The following COL11A1 variants were observed in gnomAD, a reference collection of about 807,000 sequenced individuals.
The protein encoded by COL11A1 is collagen type XI alpha 1 chain, also known as collagen alpha-1(XI) chain.
Under a neutral mutation model 265.2 loss-of-function variants are expected in COL11A1, and 74 were observed. The observed-to-expected ratio is 0.28, with a 90% CI of 0.23 to 0.34. The LOEUF is 0.34. COL11A1 is among the 10% of genes least tolerant of loss of function. The pLI, the probability that COL11A1 is intolerant of heterozygous loss-of-function variation, is 1.00. For synonymous variants in COL11A1, 816 were observed against 727.6 expected, an observed-to-expected ratio of 1.12 and a Z score of -1.96; for missense variants, 2,165 against 2,263.6, an observed-to-expected ratio of 0.96 and a Z score of 0.88.
chr1:102,998,797 T>C (rs1664863202), intron 24 of COL11A1, among the ~76,000 whole-genome samples: 1 of 151,896 alleles, frequency 6.6e-6, no homozygotes, highest in Admixed American at 6.6e-5. Context: ...AACACCATTA[T>C]TAAAATATTT....
Position 103,026,752 on chromosome 1 carries a change from A to G in COL11A1, c.781-420T>C, listed in dbSNP as rs1348583621. Among the ~76,000 whole-genome samples, 6 of 152,128 alleles carry G rather than the reference A, an allele frequency of 3.9e-5. No individual in the cohort carries two copies. The East Asian group carries it at 1.2e-3, about 29-fold the overall frequency. On this transcript the variant is annotated intron_variant, in intron 5 of 66. Transcript: ENST00000370096. ...ATGGGAATTTTAAATTAAGCTACAT[A>G]TCTAAAAATAAAAATGTAGAGAGTA...
chr1:103,042,655 T>C (rs111784111), intron 4 of COL11A1, among the ~76,000 whole-genome samples: 2 of 152,184 alleles, frequency 1.3e-5, no homozygotes, highest in Non-Finnish European at 2.9e-5. Context: ...TCTGGGACCC[T>C]TATCACTATT....
Position 102,878,271 on chromosome 1 carries a change from G to A in COL11A1, c.5275-106C>T, listed in dbSNP as rs549661406. 3 of 1,049,458 alleles carry A rather than the reference G, an allele frequency of 2.9e-6. No homozygotes were observed. The East Asian group carries it at 7.9e-5, about 28-fold the overall frequency. 65.0% of individuals were successfully genotyped at this position (1,049,458 alleles called of 1,614,324 possible). A position where few individuals can be genotyped will look rare whatever the true frequency, so the allele number is the denominator to read the frequency against. ...GTGGAGGTAAGAAGCTGAGAGAGAA[G>A]AGAATAGAAAAACAAATTTTCTATT... On this transcript the variant is annotated intron_variant, in intron 66 of 66. Transcript: ENST00000370096.
rs1312120403 is a variant in COL11A1 at position 103,022,645 on chromosome 1, C to G, written c.1245+97G>C. On this transcript the variant is annotated intron_variant, in intron 8 of 66. Transcript: ENST00000370096. The stretch of plus-strand genomic sequence containing the variant: ...TTCATAATTTACATAAAAATTCAAC[C>G]TGCATTTTAAACCTGAAAAGACATT... 4.8e-6 allele frequency: 7 copies of G among 1,470,860 alleles called. No homozygotes were observed. The African/African-American group carries it at 9.8e-5, about 21-fold the overall frequency. 91.1% of individuals were successfully genotyped at this position (1,470,860 alleles called of 1,614,324 possible).
At chr1:102,905,060 C>T (rs1381153112) in intron 54 of COL11A1, among the ~76,000 whole-genome samples, 1 of 151,670 alleles carries the variant, frequency 6.6e-6, no homozygotes, top group Non-Finnish European at 1.5e-5. Context: ...ATGATGAGTT[C>T]ATGTCCTTTG....
chr1:103,036,268 C>G (rs892175686), intron 4 of COL11A1, among the ~76,000 whole-genome samples: 1 of 146,832 alleles, frequency 6.8e-6, no homozygotes, highest in Non-Finnish European at 1.5e-5. Flanking sequence ...TAATTATATA[C>G]AAATTATAAT....
intron 4 of COL11A1, among the ~76,000 whole-genome samples, chr1:103,036,149 T>C (rs560380554): frequency 7.7e-4 from 117 of 151,580 alleles, no homozygotes; most frequent in South Asian, 2.3e-3. Context: ...AGCTTTGCCA[T>C]TAACTACTTG....
chr1:102,933,784 A>G (rs183077029), intron 46 of COL11A1, among the ~76,000 whole-genome samples: 3 of 152,134 alleles, frequency 2.0e-5, no homozygotes, highest in Admixed American at 1.3e-4. Context: ...GCCGGATATA[A>G]TCTCGTGGTG....
At chr1:103,085,019 T>C (rs1672741591) in intron 1 of COL11A1, among the ~76,000 whole-genome samples, 2 of 152,214 alleles carry the variant, frequency 1.3e-5, no homozygotes, top group Admixed American at 1.3e-4. Context: ...CAATTTTTGG[T>C]GAATCAGTGA....
chr1:102,883,273 C>T lies in COL11A1; in HGVS notation c.4897G>A (p.Asp1633Asn), dbSNP rs1303443553. 2.5e-6 allele frequency: 4 copies of T among 1,613,434 alleles called. No homozygotes were observed. Among genetic ancestry groups the T allele is most frequent in the Admixed American group, 1.7e-5 (1 of 59,958 alleles). Residue 1633 changes from aspartate (D) to asparagine (N), a missense_variant, in exon 64 of 67, where the codon GAT becomes AAT. Asp to Asn is a conservative substitution (Grantham distance 23, BLOSUM62 1). Coordinates refer to ENST00000370096, the MANE Select transcript of COL11A1 (RefSeq NM_001854.4). The part of the protein sequence containing the change: ...WIDPNQGCSG[D>N]SFKVYCNFTS... Reference sequence around the variant, plus strand: ...AAATTACAGTAAACTTTGAAGGAATCTCCTGAGCAACCTTGGTTAGGATCA... The same window carrying T: ...AAATTACAGTAAACTTTGAAGGAATTTCCTGAGCAACCTTGGTTAGGATCA...
intron 62 of COL11A1, 56 bp downstream of exon 62, chr1:102,888,520 AT>A (rs1651303869): frequency 1.3e-6 from 2 of 1,502,202 alleles, no homozygotes; most frequent in African/African-American, 2.8e-5. Context: ...CAGAGAAATC[AT>A]TGGCAGCTTC....
In COL11A1 at chr1:102,898,756, T is replaced by C; in HGVS notation, c.4158A>G (p.Glu1386=). The change falls in exon 56 of 67, where the codon GAA becomes GAG. Residue 1386 remains glutamate, a synonymous_variant. Transcript: ENST00000370096. ...CTGGGCCGGTTTTTCCAGGAGGACC[T>C]TCTGCACCTGCTTCCCCCTGTTAGA... ...EKGAKGEAGA[E]GPPGKTGPVG... The C allele has an allele frequency of 6.2e-7, 1 of 1,613,152 alleles. No individual in the cohort carries two copies. The highest frequency in any genetic ancestry group is 8.5e-7 in the Non-Finnish European group (1 of 1,179,474).
chr1:102,973,481 T>C (rs1482841127), intron 36 of COL11A1, among the ~76,000 whole-genome samples: 2 of 152,150 alleles, frequency 1.3e-5, no homozygotes, highest in African/African-American at 4.8e-5. Flanking sequence ...AATGGTACAA[T>C]ACTGAGGTTA....
intron 49 of COL11A1, among the ~76,000 whole-genome samples, chr1:102,919,042 C>T (rs1655671668): frequency 6.6e-6 from 1 of 152,048 alleles, no homozygotes; most frequent in African/African-American, 2.4e-5. Flanking sequence ...TGCCTTGGTG[C>T]CTTTTGTCTA....
chr1:103,022,976 T>A lies in COL11A1; in HGVS notation c.1011A>T (p.Ile337=), dbSNP rs563115409. ...CTCCCGTTAGATATTCTTCAGTAAA[T>A]ATTTCTTCAACTGGATTTGGCTATT... ...GTNEPNPVEE[I]FTEEYLTGED... is the part of the protein sequence containing the mutation. Residue 337 remains isoleucine, a synonymous_variant, in exon 8 of 67, where the codon ATA becomes ATT. Transcript: ENST00000370096. 33 of 1,613,028 alleles carry A rather than the reference T, an allele frequency of 2.0e-5. No homozygotes were observed. The South Asian group carries it at 3.4e-4, about 17-fold the overall frequency.
intron 54 of COL11A1, among the ~76,000 whole-genome samples, 183 bp from the exon 55 acceptor site, chr1:102,899,177 G>A (rs988533270): frequency 5.3e-5 from 8 of 151,708 alleles, no homozygotes; most frequent in African/African-American, 1.9e-4. Context: ...CTTCCTCTTA[G>A]AATACTGAAA....
At chr1:103,053,549 C>A (rs1669997745) in intron 4 of COL11A1, among the ~76,000 whole-genome samples, 1 of 152,110 alleles carries the variant, frequency 6.6e-6, no homozygotes, top group Non-Finnish European at 1.5e-5. Flanking sequence ...TTTCACTACA[C>A]TTGACAGACA....
chr1:103,042,996 T>G lies in COL11A1; in HGVS notation c.652-11752A>C, dbSNP rs959283607. Among the ~76,000 whole-genome samples, 10 of 144,600 alleles carry G rather than the reference T, an allele frequency of 6.9e-5. No individual in the cohort carries two copies. In the East Asian group the frequency reaches 7.9e-4, roughly 11 times the overall value. The allele number at this position is 144,600 out of a possible 152,430, so 94.9% of individuals were successfully genotyped here. On this transcript the variant is annotated intron_variant, in intron 4 of 66. Coordinates refer to ENST00000370096, the MANE Select transcript of COL11A1 (RefSeq NM_001854.4). Reference sequence around the variant, plus strand: ...TATGTGAAATATATATGATATATATTAAATACATCATATATATGAAATATA... The same window carrying G: ...TATGTGAAATATATATGATATATATGAAATACATCATATATATGAAATATA...
chr1:102,996,345 A>G lies in COL11A1; in HGVS notation c.2242-303T>C, dbSNP rs186633961. ...AATAATGTAAACAATTCAAAAATTA[A>G]TAACTAGATTTTTAACCTAAAATAT... On this transcript the variant is annotated intron_variant, in intron 26 of 66. Transcript: ENST00000370096. Among the ~76,000 whole-genome samples the G allele has an allele frequency of 1.5e-3, 231 of 152,240 alleles. 1 individual carries two copies. The highest frequency in any genetic ancestry group is 0.01 in the Middle Eastern group (3 of 286).
Sources: gnomAD v4.1 joint callset for allele counts (sites outside exome capture counted in the v4.1 genomes callset) on GRCh38, gnomAD v4.1.1 for gene constraint, MANE v1.5 for transcripts, NCBI Gene and HGNC (gene_info 2026-07-23, HGNC 2026-07-21) for gene names.